Variants in LRRC3B observed in about 807,000 individuals in gnomAD.
LRRC3B encodes leucine rich repeat containing 3B.
A neutral mutation model predicts 12.8 loss-of-function variants in LRRC3B; 2 were observed. That is an observed-to-expected ratio of 0.16 (90% CI 0.06 to 0.49). The LOEUF (loss-of-function observed/expected upper bound fraction) is 0.49, where lower values mean the gene tolerates loss of function less well. Ranked by LOEUF, LRRC3B falls within the 20% of genes least tolerant of loss-of-function variation. The pLI, the probability that LRRC3B is intolerant of heterozygous loss-of-function variation, is 0.96. For synonymous variants in LRRC3B, 132 were observed against 122.0 expected, an observed-to-expected ratio of 1.08 and a Z score of -0.54; for missense variants, 189 against 319.4, an observed-to-expected ratio of 0.59 and a Z score of 3.11.
chr3:26,665,963 T>C (rs1699589326), intron 1 of LRRC3B, among the ~76,000 whole-genome samples: 1 of 152,174 alleles, frequency 6.6e-6, no homozygotes, highest in Non-Finnish European at 1.5e-5. Context: ...GCAAAGATAA[T>C]AAATCATTCA....
chr3:26,707,367 A>C (rs1017806447), intron 1 of LRRC3B, among the ~76,000 whole-genome samples: 1 of 151,732 alleles, frequency 6.6e-6, no homozygotes, highest in African/African-American at 2.4e-5. Context: ...TTCCATCTCA[A>C]AAAATAAAAA....
At chr3:26,682,794 C>G (rs986823363) in intron 1 of LRRC3B, among the ~76,000 whole-genome samples, 5 of 152,236 alleles carry the variant, frequency 3.3e-5, no homozygotes, top group African/African-American at 1.2e-4. Flanking sequence ...ATGTGGCATT[C>G]AGCTGCAGCA....
intron 1 of LRRC3B, among the ~76,000 whole-genome samples, chr3:26,651,410 A>C (rs1376924874): frequency 6.6e-6 from 1 of 152,144 alleles, no homozygotes; most frequent in African/African-American, 2.4e-5. Context: ...TCACCACCTG[A>C]ACTATTATAA....
At chr3:26,649,637 C>T (rs1220775245) in intron 1 of LRRC3B, among the ~76,000 whole-genome samples, 2 of 152,188 alleles carry the variant, frequency 1.3e-5, no homozygotes, top group South Asian at 4.1e-4. Context: ...ATTCACTGCT[C>T]CTTCTCCTTC....
At chr3:26,704,306 T>G (rs1700529874) in intron 1 of LRRC3B, among the ~76,000 whole-genome samples, 1 of 152,174 alleles carries the variant, frequency 6.6e-6, no homozygotes, top group Non-Finnish European at 1.5e-5. Context: ...TTGATAGATA[T>G]TCCCAAATTG....
At chr3:26,671,306 C>G (rs1180215816) in intron 1 of LRRC3B, among the ~76,000 whole-genome samples, 1 of 141,672 alleles carries the variant, frequency 7.1e-6, no homozygotes, top group Non-Finnish European at 1.5e-5. Flanking sequence ...TGAGCCACCG[C>G]GCCCGGCCTC....
intron 1 of LRRC3B, among the ~76,000 whole-genome samples, chr3:26,661,570 C>A (rs1699492242): frequency 6.6e-6 from 1 of 152,132 alleles, no homozygotes; most frequent in South Asian, 2.1e-4. Context: ...TTATAAACAT[C>A]ATTTTAATGG....
At chr3:26,647,857 C>T (rs1433831324) in intron 1 of LRRC3B, among the ~76,000 whole-genome samples, 1 of 152,132 alleles carries the variant, frequency 6.6e-6, no homozygotes, top group Non-Finnish European at 1.5e-5. Context: ...CAGAGGGAGA[C>T]TGTTAAGAAT....
At chr3:26,702,570 A>G (rs1700482947) in intron 1 of LRRC3B, among the ~76,000 whole-genome samples, 1 of 152,176 alleles carries the variant, frequency 6.6e-6, no homozygotes, top group Non-Finnish European at 1.5e-5. Context: ...TCATGTTTCT[A>G]TGTCTGTGTA....
In LRRC3B at chr3:26,636,874, CTTCCTTCCTTCCTT is replaced by C. The variant is rs1559350136; in HGVS notation, c.-161+13639_-161+13652del. The stretch of plus-strand genomic sequence containing the variant: ...CCTCCCTCCCTCCCTCCCTTCCTTC[CTTCCTTCCTTCCTT>C]TCTCTCTCTCTCTCTTTCTCTCTTT... On this transcript the variant is annotated intron_variant, in intron 1 of 1. Coordinates refer to ENST00000396641, the Ensembl canonical transcript of LRRC3B. Among the ~76,000 whole-genome samples, 16 of 107,430 alleles carry C rather than the reference CTTCCTTCCTTCCTT, an allele frequency of 1.5e-4. 1 individual carries two copies. The highest frequency in any genetic ancestry group is 4.6e-4 in the Admixed American group (5 of 10,938). 70.5% of individuals were successfully genotyped at this position (107,430 alleles called of 152,430 possible).
At chr3:26,632,446 C>T (rs1432507142) in intron 1 of LRRC3B, among the ~76,000 whole-genome samples, 1 of 152,042 alleles carries the variant, frequency 6.6e-6, no homozygotes, top group African/African-American at 2.4e-5. Context: ...AAGAGGCTGA[C>T]AAATCTAGTT....
At chr3:26,707,759 TCTTCC>T (rs1158958623) in intron 1 of LRRC3B, among the ~76,000 whole-genome samples, 1 of 119,018 alleles carries the variant, frequency 8.4e-6, no homozygotes. Context: ...CTGTCTCCTC[TCTTCC>T]CTTCCACACC....
chr3:26,687,162 A>G (rs1488400528), intron 1 of LRRC3B, among the ~76,000 whole-genome samples: 1 of 151,964 alleles, frequency 6.6e-6, no homozygotes, highest in East Asian at 1.9e-4. Flanking sequence ...AGACAATTCC[A>G]TTGGTTCCAG....
In LRRC3B at chr3:26,636,246, A is replaced by G. The variant is rs145464727; in HGVS notation, c.-161+13009A>G. Among the ~76,000 whole-genome samples, 328 of 151,388 alleles carry G rather than the reference A, an allele frequency of 2.2e-3. 1 individual carries two copies. The highest frequency in any genetic ancestry group is 7.0e-3 in the African/African-American group (292 of 41,482). ...AATAAAGAAGTCCTTTAAAAAAAAG[A>G]GAGAGAATTACAGGAAGGGAATTCT... On this transcript the variant is annotated intron_variant, in intron 1 of 1. Transcript: ENST00000396641.
At chr3:26,680,589 C>T (rs1699951129) in intron 1 of LRRC3B, among the ~76,000 whole-genome samples, 1 of 152,222 alleles carries the variant, frequency 6.6e-6, no homozygotes, top group Non-Finnish European at 1.5e-5. Flanking sequence ...TCCGTCATTC[C>T]ATGTCACAGC....
intron 1 of LRRC3B, among the ~76,000 whole-genome samples, chr3:26,642,006 A>G (rs919866023): frequency 2.6e-5 from 4 of 152,206 alleles, no homozygotes; most frequent in Admixed American, 2.6e-4. Context: ...ACATGAAAAC[A>G]CATTTTTATG....
At chr3:26,650,619 A>G (rs1699245043) in intron 1 of LRRC3B, among the ~76,000 whole-genome samples, 1 of 152,138 alleles carries the variant, frequency 6.6e-6, no homozygotes, top group Non-Finnish European at 1.5e-5. Flanking sequence ...TTTCCAAACA[A>G]TGTTAGTGAT....
At chr3:26,684,883 T>C (rs1204865424) in intron 1 of LRRC3B, among the ~76,000 whole-genome samples, 5 of 152,252 alleles carry the variant, frequency 3.3e-5, no homozygotes, top group African/African-American at 1.2e-4. Context: ...AGCAGATCTC[T>C]GTTACTCCAT....
Position 26,648,987 on chromosome 3 carries a change from T to A in LRRC3B, c.-161+25750T>A, listed in dbSNP as rs569493594. On this transcript the variant is annotated intron_variant, in intron 1 of 1. Transcript: ENST00000396641. Reference sequence around the variant, plus strand: ...GCTGAAGGTTTCTTTTAGAGAGCTTTGTTTGAAGAAAGAGGTGGATTAAGT... The same window carrying A: ...GCTGAAGGTTTCTTTTAGAGAGCTTAGTTTGAAGAAAGAGGTGGATTAAGT... Among the ~76,000 whole-genome samples, 7 of 152,362 alleles carry A rather than the reference T, an allele frequency of 4.6e-5. No homozygotes were observed. The East Asian group carries it at 1.3e-3, about 29-fold the overall frequency.
Sources: gnomAD v4.1 joint callset for allele counts (sites outside exome capture counted in the v4.1 genomes callset) on GRCh38, gnomAD v4.1.1 for gene constraint, MANE v1.5 for transcripts, NCBI Gene and HGNC (gene_info 2026-07-23, HGNC 2026-07-21) for gene names.